SSPN: variants seen among roughly 807,000 people sequenced by gnomAD.
SSPN encodes K-ras oncogene-associated protein.
SSPN carries 15 observed loss-of-function variants against 19.1 expected under a neutral mutation model. The ratio of observed to expected loss-of-function variants is 0.78; its 90% CI spans 0.52 to 1.21. The LOEUF is 1.21. Ranked by LOEUF, SSPN falls within the 50% of genes most tolerant of loss-of-function variation. The probability of loss-of-function intolerance (pLI) is 0.00; values close to 1 mark genes in which losing one functional copy is unlikely to be tolerated. For missense variants in SSPN, 291 were observed against 314.0 expected (o/e 0.93, Z 0.55); for synonymous variants, 147 against 140.3 (o/e 1.05, Z -0.34).
At chr12:26,182,165 C>T (rs189070707) in intron 1 of SSPN, among the ~76,000 whole-genome samples, 5 of 152,232 alleles carry the variant, frequency 3.3e-5, no homozygotes, top group Admixed American at 6.5e-5. Flanking sequence ...AGTAAGACCA[C>T]GGGTTAGTCA....
At chr12:26,154,105 C>T (rs1369648466) in intron 1 of SSPN, among the ~76,000 whole-genome samples, 2 of 152,218 alleles carry the variant, frequency 1.3e-5, no homozygotes, top group Non-Finnish European at 2.9e-5. Flanking sequence ...AAAACCTTAT[C>T]TTGGGCATAT....
chr12:26,232,847 C>G lies in SSPN; in HGVS notation c.*1771C>G, dbSNP rs1006326904. The G allele has an allele frequency of 2.4e-6, 1 of 410,986 alleles. No individual in the cohort carries two copies. The highest frequency in any genetic ancestry group is 1.6e-4 in the East Asian group (1 of 6,096). The allele number at this position is 410,986 out of a possible 1,614,324, so 25.5% of individuals were successfully genotyped here. ...ATTGGAGAGCTTAGAGGATAAGTCT[C>G]TGGAGCAGAATTTATCACACACAAA... On this transcript the variant is annotated 3_prime_UTR_variant, in exon 3 of 3. Coordinates refer to ENST00000242729, the MANE Select transcript of SSPN (RefSeq NM_005086.5).
chr12:26,154,919 G>A (rs951329422), intron 1 of SSPN, among the ~76,000 whole-genome samples: 2 of 152,152 alleles, frequency 1.3e-5, no homozygotes, highest in African/African-American at 2.4e-5. Flanking sequence ...TGATGGTAGT[G>A]TATGGTGAGG....
chr12:26,219,451 G>A (rs1267319774), intron 1 of SSPN, among the ~76,000 whole-genome samples: 1 of 148,602 alleles, frequency 6.7e-6, no homozygotes, highest in Non-Finnish European at 1.5e-5. Flanking sequence ...CAAAGACAAT[G>A]TGTGACAAGA....
chr12:26,187,261 C>G (rs1282640013), intron 1 of SSPN, among the ~76,000 whole-genome samples: 1 of 152,244 alleles, frequency 6.6e-6, no homozygotes, highest in African/African-American at 2.4e-5. Flanking sequence ...AGCAGTCCCA[C>G]AGACCATGTT....
chr12:26,195,814 T>A lies in SSPN; in HGVS notation c.142T>A (p.Cys48Ser), dbSNP rs1217428386. The A allele has an allele frequency of 2.0e-6, 3 of 1,537,508 alleles. No individual in the cohort carries two copies. Among genetic ancestry groups the A allele is most frequent in the Non-Finnish European group, 2.6e-6 (3 of 1,144,766 alleles). ...ECGEEEPRTC[C>S]GCRFPLLLAL... is the part of the protein sequence containing the mutation. ...CGGGGAGGAGGAGCCCCGGACCTGC[T>A]GCGGCTGCCGGTTCCCGCTGCTGCT... Residue 48 changes from cysteine to serine, a missense_variant, in exon 1 of 3, where the codon TGC becomes AGC. Around this residue, in one of 3 missense-constraint regions of SSPN, gnomAD observed 139 missense variants for 119.6 expected, o/e 1.16. Coordinates refer to ENST00000242729, the MANE Select transcript of SSPN (RefSeq NM_005086.5).
Position 26,230,993 on chromosome 12 carries a change from TG to T in SSPN, c.651del (p.Trp217Ter). ...LVCLLACFVM[W>X]KHRYQVFYVG... is the part of the protein sequence containing the mutation. ...GTGCTTGTTGGCCTGCTTTGTGATG[TG>T]GAAACATAGGTACCAGGTCTTCTAT... On this transcript the variant is annotated frameshift_variant, in exon 3 of 3. Coordinates refer to ENST00000242729, the MANE Select transcript of SSPN (RefSeq NM_005086.5). LOFTEE classifies it high-confidence loss of function. 1 of 1,614,224 alleles carries T rather than the reference TG, an allele frequency of 6.2e-7. No individual in the cohort carries two copies. The highest frequency in any genetic ancestry group is 2.2e-5 in the East Asian group (1 of 44,880).
chr12:26,154,302 G>A (rs898629940), intron 1 of SSPN, among the ~76,000 whole-genome samples: 1 of 152,220 alleles, frequency 6.6e-6, no homozygotes, highest in Non-Finnish European at 1.5e-5. Context: ...TTTGAGGACA[G>A]ACCATGTGTG....
chr12:26,193,294 C>A (rs910648075), upstream of SSPN, among the ~76,000 whole-genome samples: 3 of 152,198 alleles, frequency 2.0e-5, no homozygotes, highest in Non-Finnish European at 4.4e-5. Flanking sequence ...GAGTTCACAT[C>A]TGGTTCCACT....
intron 1 of SSPN, among the ~76,000 whole-genome samples, chr12:26,196,418 A>G (rs187939341): frequency 2.0e-5 from 3 of 152,332 alleles, no homozygotes; most frequent in Admixed American, 2.0e-4. Flanking sequence ...CATTCATTTT[A>G]TGTTTTAAAC....
At chr12:26,147,155 T>C (rs562714950) in intron 1 of SSPN, among the ~76,000 whole-genome samples, 11 of 152,206 alleles carry the variant, frequency 7.2e-5, no homozygotes, top group Non-Finnish European at 1.5e-4. Context: ...TTCCACTTTC[T>C]GGAAATATCC....
upstream of SSPN, among the ~76,000 whole-genome samples, chr12:26,194,797 G>A (rs1944811659): frequency 6.6e-6 from 1 of 152,122 alleles, no homozygotes; most frequent in Admixed American, 6.5e-5. Flanking sequence ...GACCAGTTTG[G>A]ACAACATAAT....
rs202156301 is a variant in SSPN, at chr12:26,175,522, AT to A, written c.-30-48764del. Among the ~76,000 whole-genome samples, 547 of 152,126 alleles carry A rather than the reference AT, an allele frequency of 3.6e-3. 6 individuals carry two copies. The highest frequency in any genetic ancestry group is 0.022 in the Admixed American group (331 of 15,284). On this transcript the variant is annotated intron_variant, in intron 1 of 2. Transcript: ENST00000538142. ...ATTCTCTTGCCAGGTAGCTAATTTTATTTTTTTGTGATTTTTATGGGAATTT... is the reference window on the plus strand; with the variant it reads ...ATTCTCTTGCCAGGTAGCTAATTTTATTTTTTGTGATTTTTATGGGAATTT...
At chr12:26,207,967 T>C (rs1225587638) in intron 1 of SSPN, among the ~76,000 whole-genome samples, 1 of 147,758 alleles carries the variant, frequency 6.8e-6, no homozygotes, top group Non-Finnish European at 1.5e-5. Flanking sequence ...ACCACCGCAC[T>C]TCAGCCTGGG....
At chr12:26,196,820 T>C (rs2137458095) in intron 1 of SSPN, among the ~76,000 whole-genome samples, 1 of 152,346 alleles carries the variant, frequency 6.6e-6, no homozygotes, top group South Asian at 2.1e-4. Context: ...CCCAGGGTCA[T>C]GAGTGGGTAA....
intron 1 of SSPN, chr12:26,123,523 A>T: frequency 2.4e-6 from 2 of 848,014 alleles, no homozygotes; most frequent in Non-Finnish European, 2.0e-6. Context: ...GAGGGAACCC[A>T]TGAGCCCACG....
chr12:26,219,279 A>G (rs1001452304), intron 1 of SSPN, among the ~76,000 whole-genome samples: 3 of 152,224 alleles, frequency 2.0e-5, no homozygotes, highest in Non-Finnish European at 4.4e-5. Context: ...TCATTCTCAC[A>G]AAATGTTTTA....
intron 1 of SSPN, chr12:26,124,371 C>A: frequency 1.1e-6 from 1 of 926,924 alleles, no homozygotes; most frequent in Non-Finnish European, 1.7e-6. Flanking sequence ...TAATATCCCC[C>A]TGAGAGTACC....
At chr12:26,122,809 T>C in intron 1 of SSPN, 4 of 1,592,852 alleles carry the variant, frequency 2.5e-6, no homozygotes, top group South Asian at 2.3e-5. Flanking sequence ...TCGGTGTCCG[T>C]GTCGTTCTCG....
Sources: allele counts gnomAD v4.1 joint callset (sites outside exome capture counted in the v4.1 genomes callset), GRCh38; gene constraint gnomAD v4.1.1; regional missense constraint gnomAD v4.1.1; transcripts MANE v1.5; gene names NCBI Gene and HGNC (gene_info 2026-07-23, HGNC 2026-07-21).